The following STK32B variants were observed in gnomAD, a reference collection of about 807,000 sequenced individuals.
STK32B encodes serine/threonine-protein kinase 32B.
A neutral mutation model predicts 52.6 loss-of-function variants in STK32B; 43 were observed. The observed-to-expected ratio is 0.82, with a 90% confidence interval of 0.64 to 1.05. STK32B has a LOEUF of 1.05. STK32B is among the 50% of genes least tolerant of loss of function. STK32B has a pLI of 0.00. For synonymous variants in STK32B, 238 were observed against 204.3 expected, an observed-to-expected ratio of 1.17 and a Z score of -1.41; for missense variants, 621 against 534.6, an observed-to-expected ratio of 1.16 and a Z score of -1.59.
rs145572263 is a variant in STK32B, at chr4:5,424,728, A to C, written c.562+7794A>C. On this transcript the variant is annotated intron_variant, in intron 6 of 11. Transcript: ENST00000282908. Reference sequence around the variant, plus strand: ...CCTCATTCTTCCTGGACACAGGACAAGAACTTGGGACCTGCTGAATGGTGG... The same window carrying C: ...CCTCATTCTTCCTGGACACAGGACACGAACTTGGGACCTGCTGAATGGTGG... 5.1e-3 allele frequency among the ~76,000 whole-genome samples: 781 copies of C among 152,346 alleles called. 23 individuals are homozygous for C. The East Asian group carries it at 0.075, about 15-fold the overall frequency.
intron 1 of STK32B, among the ~76,000 whole-genome samples, chr4:5,125,074 C>G (rs1239773610): frequency 6.6e-6 from 1 of 152,112 alleles, no homozygotes; most frequent in Non-Finnish European, 1.5e-5. Context: ...AGAAGACTCC[C>G]AGCTCACAAC....
chr4:5,189,533 A>G (rs1336982722), intron 3 of STK32B, among the ~76,000 whole-genome samples: 6 of 152,188 alleles, frequency 3.9e-5, no homozygotes, highest in Admixed American at 3.3e-4. Flanking sequence ...TGTACATGCT[A>G]CAGTTTATTT....
rs188529714 is a variant in STK32B, at chr4:5,106,148, A to G, written c.53-33757A>G. On this transcript the variant is annotated intron_variant, in intron 1 of 11. Transcript: ENST00000282908. ...TGAAACCCCACCTCTGCTAAAAAAG[A>G]AAAAATTGCTGGGCATGGTGGTGTG... is the stretch of plus-strand genomic sequence containing the variant. 8.2e-4 allele frequency among the ~76,000 whole-genome samples: 125 copies of G among 151,962 alleles called. No individual in the cohort carries two copies. In the Middle Eastern group the frequency reaches 0.024, roughly 29 times the overall value.
At chr4:5,366,470 T>A (rs530059414) in intron 4 of STK32B, among the ~76,000 whole-genome samples, 1 of 152,224 alleles carries the variant, frequency 6.6e-6, no homozygotes, top group Non-Finnish European at 1.5e-5. Context: ...TCCTGGATAC[T>A]CATTTTTTTC....
the STK32B span, among the ~76,000 whole-genome samples, chr4:5,036,260 C>T: frequency 6.6e-6 from 1 of 152,228 alleles, no homozygotes; most frequent in African/African-American, 2.4e-5. Context: ...CTTGTTTTGT[C>T]CCCCACTGAG....
chr4:5,248,830 A>C (rs1331843575), intron 3 of STK32B, among the ~76,000 whole-genome samples: 2 of 152,094 alleles, frequency 1.3e-5, no homozygotes, highest in African/African-American at 4.8e-5. Context: ...TGAGGACAAA[A>C]AACCAAACAC....
At chr4:5,200,540 T>C (rs1458309105) in intron 3 of STK32B, among the ~76,000 whole-genome samples, 2 of 152,110 alleles carry the variant, frequency 1.3e-5, no homozygotes, top group African/African-American at 4.8e-5. Context: ...ACAGGGATCG[T>C]GCGGCAGATG....
intron 5 of STK32B, among the ~76,000 whole-genome samples, chr4:5,404,382 A>C (rs1410695551): frequency 6.6e-6 from 1 of 152,076 alleles, no homozygotes; most frequent in African/African-American, 2.4e-5. Context: ...TCTCCTTTTG[A>C]TAAGGACACT....
At chr4:5,404,093 A>G (rs759272808) in intron 5 of STK32B, among the ~76,000 whole-genome samples, 2 of 152,064 alleles carry the variant, frequency 1.3e-5, no homozygotes, top group Non-Finnish European at 2.9e-5. Context: ...ATGGTATGTG[A>G]GACACTGAGG....
chr4:5,333,175 AAT>A (rs1732392417), intron 4 of STK32B, among the ~76,000 whole-genome samples: 2 of 151,972 alleles, frequency 1.3e-5, no homozygotes, highest in Non-Finnish European at 2.9e-5. Context: ...CTGACTTTTT[AAT>A]GATTGCCATT....
In STK32B at chr4:5,370,480, A is replaced by G. The variant is rs1038394617; in HGVS notation, c.435-27727A>G. 5.3e-5 allele frequency among the ~76,000 whole-genome samples: 8 copies of G among 152,262 alleles called. No homozygotes were observed. The East Asian group carries it at 1.2e-3, about 22-fold the overall frequency. ...GTTTACACTTCTGTAATGATGAACAATCTTATTCAAGCAAATGGGAGCCCC... is the reference window on the plus strand; with the variant it reads ...GTTTACACTTCTGTAATGATGAACAGTCTTATTCAAGCAAATGGGAGCCCC... On this transcript the variant is annotated intron_variant, in intron 4 of 11. Transcript: ENST00000282908.
rs1198393930 is a variant in STK32B, at chr4:5,238,027, G to T, written c.260+69577G>T. On this transcript the variant is annotated intron_variant, in intron 3 of 11. Transcript: ENST00000282908. ...GAGAGTCTGATTTAAAAATATCCAG[G>T]ATTGCTCTTACGCTCACATTCTATG... Among the ~76,000 whole-genome samples the T allele has an allele frequency of 3.3e-5, 5 of 152,254 alleles. No individual in the cohort carries two copies. The East Asian group carries it at 9.6e-4, about 29-fold the overall frequency.
At chr4:5,044,467 G>T in the STK32B span, among the ~76,000 whole-genome samples, 1 of 151,918 alleles carries the variant, frequency 6.6e-6, no homozygotes, top group East Asian at 1.9e-4. Context: ...CAAAACACAG[G>T]GATCCAGCCC....
chr4:5,238,171 C>T (rs1193528383), intron 3 of STK32B, among the ~76,000 whole-genome samples: 1 of 152,098 alleles, frequency 6.6e-6, no homozygotes, highest in African/African-American at 2.4e-5. Context: ...TGGATTCGCT[C>T]ACGGTTCTGG....
chr4:5,205,737 T>A (rs1378368809), intron 3 of STK32B, among the ~76,000 whole-genome samples: 1 of 151,190 alleles, frequency 6.6e-6, no homozygotes, highest in African/African-American at 2.4e-5. Context: ...TGTGTGCATT[T>A]AGGATTGTTT....
intron 4 of STK32B, among the ~76,000 whole-genome samples, chr4:5,376,309 G>C (rs944552342): frequency 6.6e-6 from 1 of 152,042 alleles, no homozygotes; most frequent in Non-Finnish European, 1.5e-5. Context: ...CTCATTCATC[G>C]CCAAATAAAT....
chr4:5,302,982 C>CTG (rs112918767), intron 3 of STK32B, among the ~76,000 whole-genome samples: 5 of 149,970 alleles, frequency 3.3e-5, no homozygotes, highest in African/African-American at 7.3e-5. Flanking sequence ...GTGTGTGTGT[C>CTG]TGTGTGTGTG....
intron 4 of STK32B, among the ~76,000 whole-genome samples, chr4:5,343,968 G>A (rs1733279709): frequency 6.6e-6 from 1 of 152,160 alleles, no homozygotes; most frequent in Non-Finnish European, 1.5e-5. Context: ...ATAAAGTAGT[G>A]CTTAAAGCTA....
rs768156440 is a variant in STK32B at position 5,357,274 on chromosome 4, C to T, written c.434+25881C>T. On this transcript the variant is annotated intron_variant, in intron 4 of 11. Coordinates refer to ENST00000282908, the MANE Select transcript of STK32B (RefSeq NM_018401.3). Reference sequence around the variant, plus strand: ...TTGGAATGTACTGTGTTCTAGACAGCGCAGTAGAAACTACAATGGATAAAT... The same window carrying T: ...TTGGAATGTACTGTGTTCTAGACAGTGCAGTAGAAACTACAATGGATAAAT... 4.3e-4 allele frequency among the ~76,000 whole-genome samples: 64 copies of T among 149,756 alleles called. 1 individual carries two copies. The highest frequency in any genetic ancestry group is 1.8e-3 in the Admixed American group (27 of 14,740).
Sources: allele counts gnomAD v4.1 joint callset (sites outside exome capture counted in the v4.1 genomes callset), GRCh38; gene constraint gnomAD v4.1.1; transcripts MANE v1.5; gene names NCBI Gene and HGNC (gene_info 2026-07-23, HGNC 2026-07-21).